MCPH1: variants seen among roughly 807,000 people sequenced by gnomAD.
MCPH1 encodes microcephalin 1.
MCPH1 carries 104 observed loss-of-function variants against 84.5 expected under a neutral mutation model. That is an observed-to-expected ratio of 1.23 (90% CI 1.05 to 1.45). MCPH1 has a LOEUF of 1.45. Among genes scored for constraint, MCPH1 ranks in the 40% most tolerant of loss-of-function variants. The pLI, the probability that MCPH1 is intolerant of heterozygous loss-of-function variation, is 0.00. For missense variants in MCPH1, 1,498 were observed against 1,005.7 expected (o/e 1.49, Z -6.62); for synonymous variants, 514 against 366.8 (o/e 1.40, Z -4.58).
At chr8:6,583,353 A>G (rs749946332) in intron 12 of MCPH1, among the ~76,000 whole-genome samples, 4 of 152,220 alleles carry the variant, frequency 2.6e-5, no homozygotes, top group Non-Finnish European at 5.9e-5. Context: ...CAGATGTTAT[A>G]AATAATACAC....
chr8:6,586,696 G>C (rs1005602702), intron 12 of MCPH1, among the ~76,000 whole-genome samples: 1 of 152,176 alleles, frequency 6.6e-6, no homozygotes, highest in African/African-American at 2.4e-5. Flanking sequence ...AGCTGAAAAA[G>C]GAAGACTGAA....
chr8:6,640,624 C>G (rs1017161954), intron 13 of MCPH1, among the ~76,000 whole-genome samples: 1 of 152,174 alleles, frequency 6.6e-6, no homozygotes, highest in Admixed American at 6.5e-5. Flanking sequence ...AACTCTGTCT[C>G]TTTAGCTGTG....
At chr8:6,578,018 G>A (rs1025404871) in intron 12 of MCPH1, among the ~76,000 whole-genome samples, 12 of 152,224 alleles carry the variant, frequency 7.9e-5, no homozygotes, top group Admixed American at 5.2e-4. Flanking sequence ...AATTTGAAGC[G>A]AGGAGTTTTT....
chr8:6,552,932 T>C (rs1823913303), intron 12 of MCPH1, among the ~76,000 whole-genome samples: 1 of 152,094 alleles, frequency 6.6e-6, no homozygotes, highest in Admixed American at 6.6e-5. Flanking sequence ...AGTAAAAGGA[T>C]CAGGGTTTGC....
chr8:6,422,835 C>T (rs975120185), intron 3 of MCPH1, among the ~76,000 whole-genome samples: 1 of 152,074 alleles, frequency 6.6e-6, no homozygotes, highest in Non-Finnish European at 1.5e-5. Flanking sequence ...ACTACCGGAG[C>T]CCGCCACCAC....
rs368789155 is a variant in MCPH1, at chr8:6,447,467, G to C, written c.1825+1920G>C. ...GTATCTAAGATACAGTGTAAAAAAG[G>C]CTTCAAAAACAAGTTACAAAGAGCT... is the stretch of plus-strand genomic sequence containing the variant. On this transcript the variant is annotated intron_variant, in intron 8 of 13. Transcript: ENST00000344683. 3.3e-4 allele frequency: 317 copies of C among 968,972 alleles called. No individual in the cohort carries two copies. In the South Asian group the frequency reaches 6.3e-3, roughly 19 times the overall value. 60.0% of individuals were successfully genotyped at this position (968,972 alleles called of 1,614,324 possible).
chr8:6,491,631 C>T (rs1216418867), intron 11 of MCPH1, among the ~76,000 whole-genome samples: 4 of 152,010 alleles, frequency 2.6e-5, no homozygotes, highest in Middle Eastern at 3.2e-3. Context: ...CCCACTCCCC[C>T]GACCCCACAA....
rs182028289 is a variant in MCPH1 at position 6,473,417 on chromosome 8, G to A, written c.1936-4177G>A. 6.0e-3 allele frequency among the ~76,000 whole-genome samples: 781 copies of A among 129,134 alleles called. 1 individual carries two copies. The highest frequency in any genetic ancestry group is 9.6e-3 in the Non-Finnish European group (620 of 64,760). 84.7% of individuals were successfully genotyped at this position (129,134 alleles called of 152,430 possible). On this transcript the variant is annotated intron_variant, in intron 9 of 13. Coordinates refer to ENST00000344683, the MANE Select transcript of MCPH1 (RefSeq NM_024596.5). The stretch of plus-strand genomic sequence containing the variant: ...ACGATCTTGGCTCACTGCAAGCTCC[G>A]TCTCCCCAGGTTCACGCCATTCTCC...
intron 12 of MCPH1, among the ~76,000 whole-genome samples, chr8:6,574,402 C>G (rs1283106615): frequency 6.6e-6 from 1 of 152,184 alleles, no homozygotes; most frequent in African/African-American, 2.4e-5. Context: ...AGAGCCCACC[C>G]CACTCCAGGA....
At chr8:6,623,342 CTCTCTCTCTCAA>C (rs1406382239) in intron 13 of MCPH1, among the ~76,000 whole-genome samples, 1 of 149,292 alleles carries the variant, frequency 6.7e-6, no homozygotes, top group African/African-American at 2.6e-5. Flanking sequence ...TACATCCCCT[CTCTCTCTCTCAA>C]TCTCTCTCTC....
intron 12 of MCPH1, chr8:6,532,203 A>T (rs1304616639): frequency 6.4e-6 from 7 of 1,100,070 alleles, no homozygotes; most frequent in Non-Finnish European, 9.2e-6. Flanking sequence ...TTTCTTATCA[A>T]TTCATTCCTT....
At chr8:6,418,791 A>C (rs1019503055) in intron 3 of MCPH1, among the ~76,000 whole-genome samples, 74 of 152,214 alleles carry the variant, frequency 4.9e-4, no homozygotes, top group African/African-American at 1.7e-3. Context: ...CATGTTGGCC[A>C]GGATGATCCT....
At chr8:6,551,886 A>G (rs1404361978) in intron 12 of MCPH1, among the ~76,000 whole-genome samples, 2 of 152,236 alleles carry the variant, frequency 1.3e-5, no homozygotes, top group African/African-American at 4.8e-5. Flanking sequence ...CAGTTTGTTT[A>G]GGGAATTTTT....
At chr8:6,473,882 A>G in intron 9 of MCPH1, 2 of 1,516,132 alleles carry the variant, frequency 1.3e-6, no homozygotes. Context: ...AATCCATTTC[A>G]AGATCTGATC....
chr8:6,609,006 G>T (rs1830016749), intron 12 of MCPH1, among the ~76,000 whole-genome samples: 1 of 152,214 alleles, frequency 6.6e-6, no homozygotes, highest in Non-Finnish European at 1.5e-5. Flanking sequence ...GAATACTGCA[G>T]AGTTGCTGGG....
Position 6,509,716 on chromosome 8 carries a change from G to T in MCPH1, c.2214+9787G>T, listed in dbSNP as rs79577067. 7.1e-3 allele frequency among the ~76,000 whole-genome samples: 1,076 copies of T among 152,276 alleles called. 14 individuals are homozygous for T. The highest frequency in any genetic ancestry group is 0.025 in the African/African-American group (1,040 of 41,548). On this transcript the variant is annotated intron_variant, in intron 12 of 13. Transcript: ENST00000344683. ...TGTTCTGATAAGCCCATTTTCTGTT[G>T]AAAATGTTGTATATTGAAAATGCAT...
rs1450634127 is a variant in MCPH1, at chr8:6,621,706, A to G, written c.2452+15A>G. The G allele has an allele frequency of 6.2e-7, 1 of 1,614,030 alleles. No individual in the cohort carries two copies. Among genetic ancestry groups the G allele is most frequent in the Non-Finnish European group, 8.5e-7 (1 of 1,180,004 alleles). On this transcript the variant is annotated intron_variant, in intron 13 of 13. Transcript: ENST00000344683. Reference sequence around the variant, plus strand: ...ATGGGTCTTAGGTAAGAATCCAGGCACACAGACGCTGTGGTGTGGTCCAGA... The same window carrying G: ...ATGGGTCTTAGGTAAGAATCCAGGCGCACAGACGCTGTGGTGTGGTCCAGA...
chr8:6,484,053 A>C (rs1246799633), intron 11 of MCPH1, among the ~76,000 whole-genome samples: 4 of 152,214 alleles, frequency 2.6e-5, no homozygotes, highest in African/African-American at 9.6e-5. Context: ...AAGCATGATG[A>C]ATAACAGAAA....
At chr8:6,515,286 C>G (rs2129567971) in intron 12 of MCPH1, among the ~76,000 whole-genome samples, 1 of 152,226 alleles carries the variant, frequency 6.6e-6, no homozygotes, top group Non-Finnish European at 1.5e-5. Context: ...CTGTTACATT[C>G]TCGTACTGTG....
Sources: allele counts gnomAD v4.1 joint callset (sites outside exome capture counted in the v4.1 genomes callset), GRCh38; gene constraint gnomAD v4.1.1; transcripts MANE v1.5; gene names NCBI Gene and HGNC (gene_info 2026-07-23, HGNC 2026-07-21).